Variants in SF3B3 observed in about 807,000 individuals in gnomAD.
SF3B3 encodes the protein splicing factor 3b subunit 3.
In SF3B3, 33 loss-of-function variants were observed where a neutral mutation model predicts 139.2. The observed-to-expected ratio is 0.24, with a 90% CI of 0.18 to 0.32. The LOEUF is 0.32. Ranked by LOEUF, SF3B3 falls within the 10% of genes least tolerant of loss-of-function variation. The pLI is 1.00. For synonymous variants in SF3B3, 596 were observed against 563.6 expected, an observed-to-expected ratio of 1.06 and a Z score of -0.81; for missense variants, 818 against 1,509.4, an observed-to-expected ratio of 0.54 and a Z score of 7.59.
At chr16:70,542,928 C>A (rs2050233307) in intron 9 of SF3B3, among the ~76,000 whole-genome samples, 2 of 151,822 alleles carry the variant, frequency 1.3e-5, no homozygotes, top group Non-Finnish European at 2.9e-5. Flanking sequence ...TCACTGTTAA[C>A]TAGCCAGGAT....
chr16:70,529,302 A>G (rs2050098133), intron 3 of SF3B3, 103 bp downstream of exon 3: 1 of 946,878 alleles, frequency 1.1e-6, no homozygotes, highest in Non-Finnish European at 1.6e-6. Context: ...TGGGTTTGGC[A>G]TCATGTTTGG....
chr16:70,535,749 G>C (rs2050159901), intron 6 of SF3B3, among the ~76,000 whole-genome samples: 1 of 149,612 alleles, frequency 6.7e-6, no homozygotes, highest in Non-Finnish European at 1.5e-5. Flanking sequence ...TATTCTATTT[G>C]GTTTTTTTTT....
chr16:70,530,610 CCT>C (rs1360567885), intron 3 of SF3B3, 133 bp from the exon 4 acceptor site: 1 of 788,406 alleles, frequency 1.3e-6, no homozygotes, highest in East Asian at 2.6e-5. Context: ...AAAACAGAAT[CCT>C]GAGTTTTTAT....
Position 70,571,680 on chromosome 16 carries a change from T to C in SF3B3, c.3521T>C (p.Ile1174Thr), listed in dbSNP as rs768115133. The change falls in exon 26 of 26, where the codon ATT becomes ACT. Residue 1174 changes from isoleucine (I) to threonine (T), a missense_variant. Around this residue, in one of 14 missense-constraint regions of SF3B3, gnomAD observed 28 missense variants for 59.1 expected, o/e 0.47. Coordinates refer to ENST00000302516, the MANE Select transcript of SF3B3 (RefSeq NM_012426.5). ...RSYYFPVKNV[I>T]DGDLCEQFNS... is the part of the protein sequence containing the mutation. ...GCTTTCTCCATATCTTAGAATGTGATTGATGGAGACCTCTGTGAGCAGTTC... is the reference window on the plus strand; with the variant it reads ...GCTTTCTCCATATCTTAGAATGTGACTGATGGAGACCTCTGTGAGCAGTTC... 4 of 1,609,344 alleles carry C rather than the reference T, an allele frequency of 2.5e-6. No homozygotes were observed. The highest frequency in any genetic ancestry group is 1.1e-5 in the South Asian group (1 of 90,662).
Position 70,571,885 on chromosome 16 carries a change from G to A in SF3B3, c.*72G>A. 6.5e-7 allele frequency: 1 copy of A among 1,534,038 alleles called. No homozygotes were observed. The highest frequency in any genetic ancestry group is 1.2e-5 in the South Asian group (1 of 80,862). Reference sequence around the variant, plus strand: ...CCCCCACCACCATCACTGCCACCTGGCTTCTGCCATGTGGCAGGAGGGTGA... The same window carrying A: ...CCCCCACCACCATCACTGCCACCTGACTTCTGCCATGTGGCAGGAGGGTGA... On this transcript the variant is annotated 3_prime_UTR_variant, in exon 26 of 26. Transcript: ENST00000302516.
Position 70,528,957 on chromosome 16 carries a change from C to A in SF3B3, c.155C>A (p.Thr52Asn). The A allele has an allele frequency of 6.2e-7, 1 of 1,613,994 alleles. No homozygotes were observed. ...RPDPNTGKVH[T>N]LLTVEVFGVI... ...GACCCCAACACTGGCAAAGTACATA[C>A]CCTACTCACTGTGGAAGTATTCGGT... The change falls in exon 3 of 26, where the codon ACC becomes AAC. Residue 52 changes from threonine to asparagine, a missense_variant. Transcript: ENST00000302516.
intron 7 of SF3B3, among the ~76,000 whole-genome samples, chr16:70,538,899 C>T (rs2050193318): frequency 6.6e-6 from 1 of 152,182 alleles, no homozygotes; most frequent in Non-Finnish European, 1.5e-5. Flanking sequence ...TACGTAGTCT[C>T]CGTCTCAATT....
intron 11 of SF3B3, chr16:70,550,205 A>T (rs1176268124): frequency 6.6e-6 from 1 of 152,236 alleles, no homozygotes; most frequent in African/African-American, 2.4e-5. Flanking sequence ...TGCCATCTAA[A>T]AAAAGAAGAC....
intron 2 of SF3B3, chr16:70,527,148 G>T: frequency 6.0e-6 from 1 of 166,078 alleles, no homozygotes; most frequent in Non-Finnish European, 1.3e-5. Flanking sequence ...TGAAGAGATA[G>T]AACTTTTGTA....
intron 15 of SF3B3, among the ~76,000 whole-genome samples, chr16:70,557,844 A>T (rs982718534): frequency 8.5e-5 from 13 of 152,210 alleles, no homozygotes; most frequent in African/African-American, 2.4e-4. Context: ...TTGATAATGT[A>T]GTTCCAACAG....
In SF3B3 at chr16:70,574,713, G is replaced by A. The variant is rs1039946402; in HGVS notation, c.*2900G>A. 3 of 152,166 alleles carry A rather than the reference G, an allele frequency of 2.0e-5. No homozygotes were observed. Among genetic ancestry groups the A allele is most frequent in the East Asian group, 1.9e-4 (1 of 5,202 alleles). The allele number at this position is 152,166 out of a possible 1,614,324, so 9.4% of individuals were successfully genotyped here. ...TTACCATGTTGGACAGGGTGGTCTC[G>A]AACTCCTGGCCTAAAGTGGTCCACC... On this transcript the variant is annotated 3_prime_UTR_variant, in exon 26 of 26. Transcript: ENST00000302516.
chr16:70,553,476 CT>C (rs1043932433), intron 11 of SF3B3, among the ~76,000 whole-genome samples: 1 of 151,178 alleles, frequency 6.6e-6, no homozygotes, highest in African/African-American at 2.4e-5. Context: ...TTGTTCTGTC[CT>C]TTTTTTTTAA....
intron 17 of SF3B3, among the ~76,000 whole-genome samples, chr16:70,563,131 CT>C (rs11338540): frequency 0.45 from 67,754 of 151,622 alleles, 15,356 homozygotes; most frequent in South Asian, 0.66. Context: ...CCATACATGG[CT>C]TTTTTTTTGG....
chr16:70,563,786 G>A lies in SF3B3; in HGVS notation c.2289-90G>A, dbSNP rs557658473. On this transcript the variant is annotated intron_variant, in intron 17 of 25. Transcript: ENST00000302516. ...TGCCAACGTTAGAGCTCCAGGGATT[G>A]ACGTGTTTGCTGACTGCTCAAAGTC... 1.8e-5 allele frequency: 22 copies of A among 1,218,006 alleles called. No homozygotes were observed. The East Asian group carries it at 4.4e-4, about 25-fold the overall frequency. The allele number at this position is 1,218,006 out of a possible 1,614,324, so 75.4% of individuals were successfully genotyped here. A position where few individuals can be genotyped will look rare whatever the true frequency, so the allele number is the denominator to read the frequency against.
intron 9 of SF3B3, 109 bp from the exon 10 acceptor site, chr16:70,544,329 C>T: frequency 1.5e-6 from 1 of 683,018 alleles, no homozygotes; most frequent in Admixed American, 2.4e-5. Context: ...TATTGATCAG[C>T]AGATAATTGT....
In SF3B3 at chr16:70,563,897, C is replaced by G. The variant is rs1047559313; in HGVS notation, c.2310C>G (p.Leu770=). 2 of 1,613,886 alleles carry G rather than the reference C, an allele frequency of 1.2e-6. No homozygotes were observed. Among genetic ancestry groups the G allele is most frequent in the South Asian group, 1.1e-5 (1 of 91,048 alleles). The change falls in exon 18 of 26, where the codon CTC becomes CTG. Residue 770 remains leucine (L), a synonymous_variant. Coordinates refer to ENST00000302516, the MANE Select transcript of SF3B3 (RefSeq NM_012426.5). ...ATAGGATTTTGGCATTAGAGAAGCT[C>G]GGTGCTGTCTTCAATCAAGTAGCCT... ...NTLRILALEK[L]GAVFNQVAFP...
chr16:70,543,350 C>G (rs1257137515), intron 9 of SF3B3, among the ~76,000 whole-genome samples: 1 of 149,830 alleles, frequency 6.7e-6, no homozygotes, highest in South Asian at 2.2e-4. Flanking sequence ...GCAGAGGTTG[C>G]GGTGAGCTGA....
In SF3B3 at chr16:70,561,641, G is replaced by A; in HGVS notation, c.2145G>A (p.Met715Ile). 6.2e-7 allele frequency: 1 copy of A among 1,613,264 alleles called. No homozygotes were observed. Among genetic ancestry groups the A allele is most frequent in the Non-Finnish European group, 8.5e-7 (1 of 1,179,722 alleles). ...TTTTTTCCCCTCAGGTATTGGCCAT[G>A]TCAAGCCGCTCATGGTTGAGCTATT... ...RMQGQEAVLA[M>I]SSRSWLSYSY... Residue 715 changes from methionine (M) to isoleucine (I), a missense_variant, in exon 17 of 26, where the codon ATG becomes ATA. Physicochemically the swap from Met to Ile is conservative, Grantham distance 10 (BLOSUM62 1). This residue lies in a region of SF3B3 where 170 missense variants were observed against 353.0 expected (regional missense o/e 0.48). Transcript: ENST00000302516.
At position 70,526,700 on chromosome 16, in the gene SF3B3, G is replaced by A. The variant is rs145024546; in HGVS notation, c.44G>A (p.Ser15Asn). The A allele has an allele frequency of 5.0e-6, 8 of 1,614,050 alleles. No individual in the cohort carries two copies. The highest frequency in any genetic ancestry group is 3.3e-5 in the Admixed American group (2 of 60,016). ...NLTLQRATGI[S>N]FAIHGNFSGT... ...ACCTTGCAGAGAGCCACTGGCATCAGCTTTGCCATTCATGGAAACTTTTCT... is the reference window on the plus strand; with the variant it reads ...ACCTTGCAGAGAGCCACTGGCATCAACTTTGCCATTCATGGAAACTTTTCT... The change falls in exon 2 of 26, where the codon AGC becomes AAC. Residue 15 changes from serine (S) to asparagine (N), a missense_variant. Physicochemically the swap from Ser to Asn is conservative, Grantham distance 46 (BLOSUM62 1). This residue lies in a region of SF3B3 where 144 missense variants were observed against 259.2 expected (regional missense o/e 0.56). Transcript: ENST00000302516.
Sources: gnomAD v4.1 joint callset for allele counts (sites outside exome capture counted in the v4.1 genomes callset) on GRCh38, gnomAD v4.1.1 for gene constraint, gnomAD v4.1.1 regional missense constraint, MANE v1.5 for transcripts, NCBI Gene and HGNC (gene_info 2026-07-23, HGNC 2026-07-21) for gene names.